The following LRMDA variants were observed in gnomAD, a reference collection of about 807,000 sequenced individuals.
LRMDA encodes leucine rich melanocyte differentiation associated, also known as leucine-rich melanocyte differentiation-associated protein.
In LRMDA, 18 loss-of-function variants were observed where a neutral mutation model predicts 29.8. The observed-to-expected ratio is 0.60, with a 90% CI of 0.42 to 0.90. LRMDA has a LOEUF of 0.90. LRMDA is among the 40% of genes least tolerant of loss of function. The pLI is 0.00. For missense variants in LRMDA, 273 were observed against 273.9 expected, an observed-to-expected ratio of 1.00 and a Z score of 0.02; for synonymous variants, 125 against 109.4, an observed-to-expected ratio of 1.14 and a Z score of -0.89.
Position 75,641,522 on chromosome 10 carries a change from C to A in LRMDA, c.131+203028C>A, listed in dbSNP as rs1239813689. Reference sequence around the variant, plus strand: ...ATTTAATAATTATTATTTTTAAAGACAGAGTCTCGCTGTCACTCAGGCTGG... The same window carrying A: ...ATTTAATAATTATTATTTTTAAAGAAAGAGTCTCGCTGTCACTCAGGCTGG... On this transcript the variant is annotated intron_variant, in intron 2 of 6. Transcript: ENST00000611255. Among the ~76,000 whole-genome samples the A allele has an allele frequency of 2.0e-5, 3 of 151,898 alleles. No homozygotes were observed. The East Asian group carries it at 5.8e-4, about 29-fold the overall frequency.
At chr10:76,216,359 GAAAAACA>G (rs922091389) in intron 5 of LRMDA, among the ~76,000 whole-genome samples, 34 of 151,924 alleles carry the variant, frequency 2.2e-4, no homozygotes, top group African/African-American at 7.7e-4. Context: ...TTGTCTCTAA[GAAAAACA>G]AAAAACAAAA....
intron 5 of LRMDA, among the ~76,000 whole-genome samples, chr10:76,221,423 G>T (rs1851832974): frequency 1.3e-5 from 2 of 152,228 alleles, no homozygotes; most frequent in African/African-American, 2.4e-5. Context: ...CTTCAGCAAA[G>T]TCTCAGGATA....
intron 5 of LRMDA, among the ~76,000 whole-genome samples, chr10:76,076,751 A>G (rs1848966834): frequency 6.6e-6 from 1 of 152,180 alleles, no homozygotes; most frequent in Non-Finnish European, 1.5e-5. Flanking sequence ...AGCTGGAGTC[A>G]TCAACCAATG....
chr10:75,755,966 A>T (rs548827091), intron 2 of LRMDA, among the ~76,000 whole-genome samples: 5 of 152,282 alleles, frequency 3.3e-5, no homozygotes, highest in Non-Finnish European at 5.9e-5. Flanking sequence ...CATGTGGAGA[A>T]TGGATTGTAG....
At chr10:76,541,900 G>A (rs1843360807) in intron 6 of LRMDA, among the ~76,000 whole-genome samples, 1 of 152,134 alleles carries the variant, frequency 6.6e-6, no homozygotes, top group South Asian at 2.1e-4. Flanking sequence ...TACTGTAAAT[G>A]CTCAATTCCT....
At chr10:75,928,740 T>G (rs1023327422) in intron 2 of LRMDA, among the ~76,000 whole-genome samples, 4 of 152,106 alleles carry the variant, frequency 2.6e-5, no homozygotes, top group African/African-American at 9.7e-5. Context: ...CACAAACCAC[T>G]CATGTGGCAC....
intron 2 of LRMDA, among the ~76,000 whole-genome samples, chr10:75,762,719 A>C (rs946911255): frequency 5.3e-5 from 8 of 152,250 alleles, no homozygotes; most frequent in African/African-American, 1.9e-4. Context: ...ACATTAAGTG[A>C]TACAATGCAG....
At chr10:75,846,671 A>C (rs1428780443) in intron 2 of LRMDA, among the ~76,000 whole-genome samples, 2 of 152,202 alleles carry the variant, frequency 1.3e-5, no homozygotes, top group African/African-American at 2.4e-5. Context: ...TTAAGTGTGG[A>C]GTGTAGGCAA....
chr10:76,013,113 T>C (rs1164739843), intron 2 of LRMDA, among the ~76,000 whole-genome samples: 1 of 152,140 alleles, frequency 6.6e-6, no homozygotes, highest in Non-Finnish European at 1.5e-5. Flanking sequence ...TTAAAGGATT[T>C]GTGTCAGCAA....
intron 2 of LRMDA, among the ~76,000 whole-genome samples, chr10:75,532,953 C>T (rs971765387): frequency 6.6e-6 from 1 of 152,152 alleles, no homozygotes; most frequent in Non-Finnish European, 1.5e-5. Context: ...AAGGGGCTCA[C>T]TCTCTCGTGG....
At chr10:75,445,751 A>G (rs557987035) in intron 2 of LRMDA, among the ~76,000 whole-genome samples, 2 of 152,380 alleles carry the variant, frequency 1.3e-5, no homozygotes, top group South Asian at 2.1e-4. Flanking sequence ...CAGGCAGAGC[A>G]GAGCTCCCAT....
intron 5 of LRMDA, among the ~76,000 whole-genome samples, chr10:76,294,167 C>G (rs756161075): frequency 3.3e-5 from 5 of 152,156 alleles, no homozygotes; most frequent in Non-Finnish European, 5.9e-5. Context: ...AGTTTTTGGG[C>G]CTATGACCAG....
intron 5 of LRMDA, among the ~76,000 whole-genome samples, chr10:76,122,870 C>T (rs1447340148): frequency 6.6e-6 from 1 of 152,190 alleles, no homozygotes; most frequent in Non-Finnish European, 1.5e-5. Flanking sequence ...TTTTCCTGCT[C>T]ATGGTCCATG....
At chr10:76,076,445 T>A (rs1848959686) in intron 5 of LRMDA, among the ~76,000 whole-genome samples, 1 of 152,044 alleles carries the variant, frequency 6.6e-6, no homozygotes, top group Non-Finnish European at 1.5e-5. Flanking sequence ...GCATATTTTG[T>A]AATTATTTTC....
At chr10:75,619,004 A>G (rs867464195) in intron 2 of LRMDA, among the ~76,000 whole-genome samples, 1 of 151,924 alleles carries the variant, frequency 6.6e-6, no homozygotes, top group Non-Finnish European at 1.5e-5. Flanking sequence ...TCACCGTGTT[A>G]GCCAGGTTGG....
chr10:76,508,717 TG>T (rs1302518109), intron 6 of LRMDA, among the ~76,000 whole-genome samples: 5 of 152,198 alleles, frequency 3.3e-5, no homozygotes, highest in Non-Finnish European at 7.3e-5. Context: ...TGACTTTTAC[TG>T]GAGGAAGGTA....
At chr10:76,391,651 G>A (rs1292590700) in intron 6 of LRMDA, among the ~76,000 whole-genome samples, 1 of 152,110 alleles carries the variant, frequency 6.6e-6, no homozygotes, top group Non-Finnish European at 1.5e-5. Flanking sequence ...ATTCTCCCTT[G>A]GTGACCTTAT....
chr10:75,445,884 G>C (rs1166477407), intron 2 of LRMDA, among the ~76,000 whole-genome samples: 1 of 152,244 alleles, frequency 6.6e-6, no homozygotes, highest in South Asian at 2.1e-4. Flanking sequence ...ATCTTATTTT[G>C]CATCACTCTG....
At chr10:75,894,228 C>T (rs1416812360) in intron 2 of LRMDA, among the ~76,000 whole-genome samples, 1 of 151,884 alleles carries the variant, frequency 6.6e-6, no homozygotes, top group Non-Finnish European at 1.5e-5. Context: ...CATTCTTATG[C>T]CTTTGTGTCA....
Sources: gnomAD v4.1 joint callset for allele counts (sites outside exome capture counted in the v4.1 genomes callset) on GRCh38, gnomAD v4.1.1 for gene constraint, MANE v1.5 for transcripts, NCBI Gene and HGNC (gene_info 2026-07-23, HGNC 2026-07-21) for gene names.